CHSY3: variants seen among roughly 807,000 people sequenced by gnomAD.
The protein encoded by CHSY3 is N-acetylgalactosaminyl-proteoglycan 3-beta-glucuronosyltransferase 3.
CHSY3 carries 35 observed loss-of-function variants against 67.2 expected under a neutral mutation model. The ratio of observed to expected loss-of-function variants is 0.52; its 90% CI spans 0.40 to 0.69. CHSY3 has a LOEUF of 0.69. Ranked by LOEUF, CHSY3 falls within the 30% of genes least tolerant of loss-of-function variation. CHSY3 has a pLI of 0.00. For missense variants in CHSY3, 1,069 were observed against 1,138.5 expected, an observed-to-expected ratio of 0.94 and a Z score of 0.88; for synonymous variants, 474 against 434.7, an observed-to-expected ratio of 1.09 and a Z score of -1.12.
intron 2 of CHSY3, among the ~76,000 whole-genome samples, chr5:130,086,640 A>C (rs1165431955): frequency 6.6e-6 from 1 of 152,256 alleles, no homozygotes; most frequent in East Asian, 1.9e-4. Context: ...ATTCCTCGAC[A>C]CATACACCCT....
Position 130,185,932 on chromosome 5 carries a change from G to C in CHSY3, c.*141G>C, listed in dbSNP as rs1332502072. The C allele has an allele frequency of 2.2e-6, 1 of 449,718 alleles. No individual in the cohort carries two copies. Among genetic ancestry groups the C allele is most frequent in the Non-Finnish European group, 3.6e-6 (1 of 279,998 alleles). The allele number at this position is 449,718 out of a possible 1,614,324, so 27.9% of individuals were successfully genotyped here. ...TTGTCCTGGTCTTAAACTACTCTTG[G>C]TTGTCTTCCTAAGGGTGTTTGTTGA... is the stretch of plus-strand genomic sequence containing the variant. On this transcript the variant is annotated 3_prime_UTR_variant, in exon 3 of 3. Coordinates refer to ENST00000305031, the MANE Select transcript of CHSY3 (RefSeq NM_175856.5).
intron 2 of CHSY3, among the ~76,000 whole-genome samples, chr5:130,161,173 G>C (rs1769531560): frequency 6.6e-6 from 1 of 152,008 alleles, no homozygotes; most frequent in African/African-American, 2.4e-5. Flanking sequence ...TAAAGTGCTG[G>C]GATTACAGGC....
chr5:129,985,365 C>T (rs1763160241), intron 2 of CHSY3, among the ~76,000 whole-genome samples: 2 of 152,050 alleles, frequency 1.3e-5, no homozygotes, highest in Admixed American at 6.6e-5. Context: ...GGTTCTCTAA[C>T]CTGTTCTTTT....
At chr5:130,092,551 C>A (rs896923834) in intron 2 of CHSY3, among the ~76,000 whole-genome samples, 4 of 152,124 alleles carry the variant, frequency 2.6e-5, no homozygotes, top group African/African-American at 7.2e-5. Context: ...AAAATATGGA[C>A]AATTTTAATG....
intron 2 of CHSY3, among the ~76,000 whole-genome samples, chr5:129,997,050 G>T (rs537602222): frequency 6.7e-6 from 1 of 149,972 alleles, no homozygotes; most frequent in Non-Finnish European, 1.5e-5. Flanking sequence ...CTCATTTTTG[G>T]ATTAACTTTG....
intron 2 of CHSY3, among the ~76,000 whole-genome samples, chr5:130,059,848 G>T (rs1765653449): frequency 6.6e-6 from 1 of 152,052 alleles, no homozygotes; most frequent in African/African-American, 2.4e-5. Context: ...TATGCCAGAT[G>T]AACTTTATGA....
chr5:130,176,918 C>A (rs918841748), intron 2 of CHSY3, among the ~76,000 whole-genome samples: 1 of 152,084 alleles, frequency 6.6e-6, no homozygotes, highest in Non-Finnish European at 1.5e-5. Flanking sequence ...TGCAGCAAAC[C>A]ACCATGGCAC....
Position 130,185,654 on chromosome 5 carries a change from T to C in CHSY3, c.2512T>C (p.Cys838Arg), listed in dbSNP as rs1317359691. The change falls in exon 3 of 3, where the codon TGT becomes CGT. Residue 838 changes from cysteine (C) to arginine (R), a missense_variant. Coordinates refer to ENST00000305031, the MANE Select transcript of CHSY3 (RefSeq NM_175856.5). ...GGTGCATATTTTCCATCCAGTTCAT[T>C]GTGATCCTAACTTGGACCCTAAGCA... ...GVVHIFHPVH[C>R]DPNLDPKQYK... The C allele has an allele frequency of 6.2e-7, 1 of 1,614,074 alleles. No individual in the cohort carries two copies. The highest frequency in any genetic ancestry group is 8.5e-7 in the Non-Finnish European group (1 of 1,179,962).
At position 130,184,737 on chromosome 5, in the gene CHSY3, T is replaced by G. The variant is rs553298802; in HGVS notation, c.1595T>G (p.Met532Arg). The change falls in exon 3 of 3, where the codon ATG becomes AGG. Residue 532 changes from methionine to arginine, a missense_variant. Transcript: ENST00000305031. Reference protein sequence around the residue: ...IQYGYRRVNPMHGVEYILDLL... With the variant: ...IQYGYRRVNPRHGVEYILDLL... ...TATGGCTACCGCAGAGTTAACCCCA[T>G]GCACGGGGTGGAGTACATTTTGGAT... 3.1e-6 allele frequency: 5 copies of G among 1,605,570 alleles called. No individual in the cohort carries two copies. The African/African-American group carries it at 6.7e-5, about 21-fold the overall frequency.
chr5:129,938,762 G>A (rs776688021), intron 2 of CHSY3, among the ~76,000 whole-genome samples: 20 of 152,226 alleles, frequency 1.3e-4, no homozygotes, highest in East Asian at 3.9e-4. Flanking sequence ...ACTGGGCTTC[G>A]TTGTCCATAT....
At chr5:129,934,953 C>T (rs1340324472) in intron 2 of CHSY3, among the ~76,000 whole-genome samples, 1 of 152,162 alleles carries the variant, frequency 6.6e-6, no homozygotes, top group Non-Finnish European at 1.5e-5. Flanking sequence ...AGAAACTCTA[C>T]ACTCACATTA....
At chr5:130,180,909 C>T (rs769102285) in intron 2 of CHSY3, among the ~76,000 whole-genome samples, 20 of 152,070 alleles carry the variant, frequency 1.3e-4, no homozygotes, top group Non-Finnish European at 2.4e-4. Flanking sequence ...TCAGAAATGA[C>T]CTATGCTATG....
chr5:129,917,907 T>G (rs1185814326), intron 2 of CHSY3, among the ~76,000 whole-genome samples: 1 of 152,238 alleles, frequency 6.6e-6, no homozygotes, highest in African/African-American at 2.4e-5. Flanking sequence ...GACCCTAATT[T>G]GGCTTCAGGG....
intron 2 of CHSY3, among the ~76,000 whole-genome samples, chr5:130,160,903 T>TTA (rs1285322372): frequency 4.2e-4 from 60 of 144,020 alleles, no homozygotes; most frequent in South Asian, 1.1e-3. Flanking sequence ...TTATTTTTTT[T>TTA]TTTTTATTTT....
intron 2 of CHSY3, among the ~76,000 whole-genome samples, chr5:130,047,979 G>A (rs1460097435): frequency 6.6e-6 from 1 of 151,078 alleles, no homozygotes; most frequent in African/African-American, 2.5e-5. Context: ...ATAATGAATG[G>A]CTTTACCTAT....
In CHSY3 at chr5:129,904,843, C is replaced by T; in HGVS notation, c.14C>T (p.Ser5Phe). The T allele has an allele frequency of 2.1e-6, 3 of 1,447,728 alleles. No individual in the cohort carries two copies. The highest frequency in any genetic ancestry group is 2.7e-5 in the South Asian group (2 of 72,936). The allele number at this position is 1,447,728 out of a possible 1,614,324, so 89.7% of individuals were successfully genotyped here. A position where few individuals can be genotyped will look rare whatever the true frequency, so the allele number is the denominator to read the frequency against. Reference sequence around the variant, plus strand: ...GGGACAGCCGCGATGGCTGTGCGCTCTCGCCGCCCGTGGATGAGCGTGGCA... The same window carrying T: ...GGGACAGCCGCGATGGCTGTGCGCTTTCGCCGCCCGTGGATGAGCGTGGCA... MAVR[S>F]RRPWMSVALG... The change falls in exon 1 of 3, where the codon TCT becomes TTT. Residue 5 changes from serine to phenylalanine, a missense_variant. Physicochemically the swap from Ser to Phe is radical, Grantham distance 155. Around this residue, in one of 5 missense-constraint regions of CHSY3, gnomAD observed 309 missense variants for 262.5 expected, o/e 1.18. Transcript: ENST00000305031.
At chr5:129,910,490 G>A (rs1453870022) in intron 2 of CHSY3, among the ~76,000 whole-genome samples, 7 of 151,870 alleles carry the variant, frequency 4.6e-5, no homozygotes, top group Non-Finnish European at 8.8e-5. Flanking sequence ...TTTAAGGGAG[G>A]CATTGATTTA....
At chr5:130,167,803 TA>T (rs1189293760) in intron 2 of CHSY3, among the ~76,000 whole-genome samples, 2 of 152,254 alleles carry the variant, frequency 1.3e-5, no homozygotes, top group South Asian at 4.1e-4. Context: ...TAAAGTTTAC[TA>T]AATAATAATA....
intron 2 of CHSY3, among the ~76,000 whole-genome samples, chr5:129,947,828 C>A (rs972854079): frequency 6.6e-6 from 1 of 152,100 alleles, no homozygotes; most frequent in Non-Finnish European, 1.5e-5. Context: ...GAGGTGAAAT[C>A]TTGTGGTTTT....
Sources: allele counts gnomAD v4.1 joint callset (sites outside exome capture counted in the v4.1 genomes callset), GRCh38; gene constraint gnomAD v4.1.1; regional missense constraint gnomAD v4.1.1; transcripts MANE v1.5; gene names NCBI Gene and HGNC (gene_info 2026-07-23, HGNC 2026-07-21).